The following PAICS variants were observed in gnomAD, a reference collection of about 807,000 sequenced individuals.
The protein encoded by PAICS is phosphoribosylaminoimidazole carboxylase and phosphoribosylaminoimidazolesuccinocarboxamide synthase, also known as bifunctional phosphoribosylaminoimidazole carboxylase/phosphoribosylaminoimidazole succinocarboxamide synthetase.
PAICS carries 33 observed loss-of-function variants against 53.7 expected under a neutral mutation model. That is an observed-to-expected ratio of 0.61 (90% CI 0.47 to 0.82). The LOEUF is 0.82. Ranked by LOEUF, PAICS falls within the 40% of genes least tolerant of loss-of-function variation. The pLI, the probability that PAICS is intolerant of heterozygous loss-of-function variation, is 0.00. For missense variants in PAICS, 394 were observed against 494.1 expected (o/e 0.80, Z 1.92); for synonymous variants, 141 against 167.2 (o/e 0.84, Z 1.21).
chr4:56,429,508 A>G, the PAICS span, among the ~76,000 whole-genome samples: 454 of 152,342 alleles, frequency 3.0e-3, 1 homozygote, highest in Non-Finnish European at 5.2e-3. Context: ...AATGCAATAT[A>G]GCATGTAGAA....
intron 2 of PAICS, among the ~76,000 whole-genome samples, chr4:56,443,903 T>C (rs1311033855): frequency 6.6e-6 from 1 of 152,222 alleles, no homozygotes; most frequent in East Asian, 1.9e-4. Flanking sequence ...AGCTAAAACT[T>C]AACTGGTTCA....
chr4:56,436,445 G>A (rs1007667508), intron 1 of PAICS, 117 bp downstream of exon 1: 27 of 886,072 alleles, frequency 3.0e-5, no homozygotes, highest in Non-Finnish European at 4.6e-5. Flanking sequence ...CCTCTAGGCA[G>A]CCGCGCGGGC....
chr4:56,410,900 A>T, the PAICS span: 94 of 3,870 alleles, frequency 0.024, no homozygotes, highest in Non-Finnish European at 0.029. Flanking sequence ...CACTGAAGGT[A>T]AAAAAAAAAA....
chr4:56,449,813 A>ACT (rs1718807627), intron 5 of PAICS, among the ~76,000 whole-genome samples: 1 of 151,322 alleles, frequency 6.6e-6, no homozygotes, highest in African/African-American at 2.4e-5. Context: ...CTCAAAAAAA[A>ACT]AAAAAAAAAA....
In PAICS at chr4:56,436,292, G is replaced by A. The variant is rs543762217; in HGVS notation, c.-21G>A. The A allele has an allele frequency of 1.0e-5, 16 of 1,598,930 alleles. No homozygotes were observed. Among genetic ancestry groups the A allele is most frequent in the South Asian group, 9.1e-5 (8 of 88,044 alleles). ...TGCCTCGCTTCCCGGCGCGGTCGCAGCCCTCAGCCCACTTAGGATAATGGC... is the reference window on the plus strand; with the variant it reads ...TGCCTCGCTTCCCGGCGCGGTCGCAACCCTCAGCCCACTTAGGATAATGGC... On this transcript the variant is annotated 5_prime_UTR_variant, in exon 1 of 9. Transcript: ENST00000512576.
intron 1 of PAICS, among the ~76,000 whole-genome samples, chr4:56,438,511 G>A (rs941339114): frequency 6.6e-6 from 1 of 151,380 alleles, no homozygotes; most frequent in Admixed American, 6.6e-5. Flanking sequence ...TCAGCTCACT[G>A]CACCCTCCAC....
intron 2 of PAICS, among the ~76,000 whole-genome samples, chr4:56,442,519 TTCAG>T (rs1261927650): frequency 6.6e-6 from 1 of 152,210 alleles, no homozygotes; most frequent in African/African-American, 2.4e-5. Context: ...TCTGCAGGGA[TTCAG>T]TCAGTTGCTG....
the PAICS span, among the ~76,000 whole-genome samples, chr4:56,430,460 T>A: frequency 6.6e-6 from 1 of 152,292 alleles, no homozygotes; most frequent in East Asian, 1.9e-4. Flanking sequence ...CTGCCCTGTA[T>A]GGTAAAGTAT....
At chr4:56,428,945 T>C in the PAICS span, 3 of 954,472 alleles carry the variant, frequency 3.1e-6, no homozygotes, top group Non-Finnish European at 2.5e-6. Context: ...TTAAGAATTA[T>C]TTGAAGGTCA....
the PAICS span, among the ~76,000 whole-genome samples, chr4:56,414,062 G>A: frequency 6.6e-6 from 1 of 152,028 alleles, no homozygotes. Context: ...ATGTCAATTG[G>A]GGTCTTAGAA....
At chr4:56,425,711 C>G in the PAICS span, among the ~76,000 whole-genome samples, 10 of 152,202 alleles carry the variant, frequency 6.6e-5, no homozygotes, top group South Asian at 8.3e-4. Flanking sequence ...GGGGTAGTCA[C>G]CGAAAAAGAC....
At chr4:56,452,365 A>C (rs1718964139) in intron 7 of PAICS, among the ~76,000 whole-genome samples, 2 of 152,112 alleles carry the variant, frequency 1.3e-5, no homozygotes, top group Non-Finnish European at 2.9e-5. Flanking sequence ...TTTTTAATAG[A>C]GACGGGGTTT....
chr4:56,445,515 C>T (rs774482661), intron 2 of PAICS, among the ~76,000 whole-genome samples: 6 of 151,934 alleles, frequency 3.9e-5, no homozygotes, highest in East Asian at 3.9e-4. Context: ...TGAACCCAGG[C>T]GGCGGAGGTT....
At chr4:56,431,404 C>T, upstream of PAICS, 2 of 976,732 alleles carry the variant, frequency 2.0e-6, no homozygotes, top group Non-Finnish European at 1.2e-6. Context: ...TGGTAATGTT[C>T]TGTACTCTGT....
the PAICS span, among the ~76,000 whole-genome samples, chr4:56,429,624 A>C: frequency 1.3e-5 from 2 of 152,326 alleles, no homozygotes; most frequent in African/African-American, 4.8e-5. Context: ...GGATCTCTAA[A>C]ATAATCCAGC....
upstream of PAICS, among the ~76,000 whole-genome samples, chr4:56,431,906 C>A (rs1717601989): frequency 6.6e-6 from 1 of 152,166 alleles, no homozygotes; most frequent in Non-Finnish European, 1.5e-5. Flanking sequence ...AACATACCCA[C>A]ACACATGCAT....
chr4:56,443,496 C>T (rs1304390303), intron 2 of PAICS, among the ~76,000 whole-genome samples: 2 of 151,942 alleles, frequency 1.3e-5, no homozygotes, highest in South Asian at 4.2e-4. Context: ...CCTGTTCCAT[C>T]GATTTTTTTT....
intron 8 of PAICS, among the ~76,000 whole-genome samples, chr4:56,454,354 G>A (rs571683087): frequency 6.6e-6 from 1 of 152,260 alleles, no homozygotes; most frequent in South Asian, 2.1e-4. Flanking sequence ...AGCTGGTTCT[G>A]TGCAGACTCT....
the PAICS span, chr4:56,410,791 G>C: frequency 1.0e-6 from 1 of 984,640 alleles, no homozygotes; most frequent in African/African-American, 1.8e-5. Context: ...TCCATGATTT[G>C]GATGTAATCC....
Sources: allele counts gnomAD v4.1 joint callset (sites outside exome capture counted in the v4.1 genomes callset), GRCh38; gene constraint gnomAD v4.1.1; transcripts MANE v1.5; gene names NCBI Gene and HGNC (gene_info 2026-07-23, HGNC 2026-07-21).